The following THUMPD3 variants were observed in gnomAD, a reference collection of about 807,000 sequenced individuals.
THUMPD3 encodes THUMP domain 3 tRNA guanosine methyltransferase.
In THUMPD3, 44 loss-of-function variants were observed where a neutral mutation model predicts 54.5. That is an observed-to-expected ratio of 0.81 (90% confidence interval 0.63 to 1.04). The LOEUF (loss-of-function observed/expected upper bound fraction) is 1.04. Among genes scored for constraint, THUMPD3 ranks in the 50% least tolerant of loss-of-function variants. The probability of loss-of-function intolerance (pLI) is 0.00; values close to 1 mark genes in which losing one functional copy is unlikely to be tolerated. For synonymous variants in THUMPD3, 196 were observed against 201.4 expected (o/e 0.97, Z 0.23); for missense variants, 604 against 601.3 (o/e 1.00, Z -0.05).
intron 1 of THUMPD3, 111 bp from the exon 2 acceptor site, chr3:9,364,905 T>C (rs1379575518): frequency 2.4e-5 from 20 of 823,412 alleles, no homozygotes; most frequent in South Asian, 4.0e-5. Context: ...CTTTGGTGAC[T>C]GTTTATCAGA....
At chr3:9,377,747 C>A in intron 5 of THUMPD3, 72 bp from the exon 6 acceptor site, 1 of 1,199,430 alleles carries the variant, frequency 8.3e-7, no homozygotes. Flanking sequence ...AATCTTAAAG[C>A]TTCAGGAATC....
Position 9,371,349 on chromosome 3 carries a change from C to G in THUMPD3, c.620C>G (p.Ser207Cys). The change falls in exon 4 of 10, where the codon TCT (serine) becomes TGT (cysteine). Residue 207 changes from serine (S) to cysteine (C), a missense_variant. Transcript: ENST00000452837. The stretch of plus-strand genomic sequence containing the variant: ...ACATTAATAGGTGATGATTTGGCAT[C>G]TTGCAAAGATGAGACTGATGAAAGC... ...VSTLIGDDLA[S>C]CKDETDESSK... The G allele has an allele frequency of 6.2e-7, 1 of 1,614,158 alleles. No individual in the cohort carries two copies. The highest frequency in any genetic ancestry group is 8.5e-7 in the Non-Finnish European group (1 of 1,180,034).
intron 7 of THUMPD3, among the ~76,000 whole-genome samples, chr3:9,382,716 A>G (rs2033018888): frequency 6.6e-6 from 1 of 152,092 alleles, no homozygotes; most frequent in Non-Finnish European, 1.5e-5. Flanking sequence ...CATTACAATC[A>G]TGTTTTCAGT....
intron 2 of THUMPD3, among the ~76,000 whole-genome samples, chr3:9,365,880 G>A (rs1353748176): frequency 1.1e-4 from 16 of 152,152 alleles, no homozygotes; most frequent in Admixed American, 9.8e-4. Flanking sequence ...CTGAGCCACT[G>A]CGCTCGGCCT....
At position 9,384,730 on chromosome 3, in the gene THUMPD3, T is replaced by C; in HGVS notation, c.*42T>C. ...TTGTACTTCCCACCACTGGAAATGT[T>C]AGCATAAAAGAACTTGGAGAGGAAA... On this transcript the variant is annotated 3_prime_UTR_variant, in exon 10 of 10. Transcript: ENST00000452837. 1 of 1,608,680 alleles carries C rather than the reference T, an allele frequency of 6.2e-7. No individual in the cohort carries two copies. The highest frequency in any genetic ancestry group is 8.5e-7 in the Non-Finnish European group (1 of 1,176,232).
intron 4 of THUMPD3, among the ~76,000 whole-genome samples, chr3:9,373,204 C>A (rs1273349733): frequency 6.6e-6 from 1 of 152,016 alleles, no homozygotes; most frequent in East Asian, 1.9e-4. Flanking sequence ...GTTTAAATCC[C>A]AGAGGAGGCT....
At chr3:9,378,579 C>T (rs941421931) in intron 6 of THUMPD3, among the ~76,000 whole-genome samples, 2 of 152,194 alleles carry the variant, frequency 1.3e-5, no homozygotes, top group African/African-American at 4.8e-5. Flanking sequence ...AGTATACTGA[C>T]AGCCAATTTG....
intron 5 of THUMPD3, among the ~76,000 whole-genome samples, chr3:9,377,422 G>C (rs1346650781): frequency 6.6e-6 from 1 of 151,996 alleles, no homozygotes; most frequent in Non-Finnish European, 1.5e-5. Context: ...CTGTCACCCA[G>C]GCTGCATCTT....
rs1206594953 is a variant in THUMPD3, at chr3:9,377,831, T to C, written c.951T>C (p.Pro317=). Residue 317 remains proline (P), a synonymous_variant, in exon 6 of 10, where the codon CCT becomes CCC. Transcript: ENST00000452837. ...LAYGMLRLCD[P]LPYDIIVDPM... ...TTCTTTTCTCTAGGCTCTGTGATCCTCTACCTTATGATATAATAGTCGATC... is the reference window on the plus strand; with the variant it reads ...TTCTTTTCTCTAGGCTCTGTGATCCCCTACCTTATGATATAATAGTCGATC... 1.2e-6 allele frequency: 2 copies of C among 1,613,696 alleles called. No homozygotes were observed. Among genetic ancestry groups the C allele is most frequent in the East Asian group, 2.2e-5 (1 of 44,862 alleles).
chr3:9,366,770 T>C, intron 2 of THUMPD3, 138 bp from the exon 3 acceptor site: 1 of 617,632 alleles, frequency 1.6e-6, no homozygotes, highest in South Asian at 2.5e-5. Flanking sequence ...ACTAGGGAGA[T>C]GGGACATTTT....
Position 9,386,137 on chromosome 3 carries a change from C to G in THUMPD3, c.*1449C>G, listed in dbSNP as rs558543911. On this transcript the variant is annotated 3_prime_UTR_variant, in exon 10 of 10. Transcript: ENST00000452837. ...TAGCAGCACAGCCAGCAATCCTCAT[C>G]TGGTTTCTCTGATCTCCTACCCCAC... 3.9e-5 allele frequency: 6 copies of G among 152,358 alleles called. No homozygotes were observed. In the South Asian group the frequency reaches 1.0e-3, roughly 26 times the overall value. The allele number at this position is 152,358 out of a possible 1,614,324, so 9.4% of individuals were successfully genotyped here.
At chr3:9,377,186 C>T (rs537364579) in intron 5 of THUMPD3, among the ~76,000 whole-genome samples, 1 of 151,982 alleles carries the variant, frequency 6.6e-6, no homozygotes, top group Admixed American at 6.6e-5. Context: ...ACACTGTTGT[C>T]AAAAAGTATG....
chr3:9,378,828 T>C (rs2032664377), intron 6 of THUMPD3, among the ~76,000 whole-genome samples: 2 of 152,324 alleles, frequency 1.3e-5, no homozygotes, highest in African/African-American at 4.8e-5. Context: ...CCAGTCCTTC[T>C]TGTGGCCAAG....
rs1166057948 is a variant in THUMPD3 at position 9,371,213 on chromosome 3, C to T, written c.484C>T (p.Gln162Ter). The change falls in exon 4 of 10, where the codon CAA becomes TAA. Residue 162 changes from glutamine to a stop codon, truncating the protein, a stop_gained. Transcript: ENST00000452837. LOFTEE classifies it high-confidence loss of function. ...NSSKEKINNG[Q>*]EVKIDQRNVK... The stretch of plus-strand genomic sequence containing the variant: ...AAGTAAAGAGAAGATTAATAATGGA[C>T]AAGAAGTCAAAATCGATCAGAGAAA... 1 of 1,611,378 alleles carries T rather than the reference C, an allele frequency of 6.2e-7. No homozygotes were observed. Among genetic ancestry groups the T allele is most frequent in the Non-Finnish European group, 8.5e-7 (1 of 1,179,410 alleles).
chr3:9,386,549 A>C lies in THUMPD3; in HGVS notation c.*1861A>C, dbSNP rs1442717066. On this transcript the variant is annotated 3_prime_UTR_variant, in exon 10 of 10. Coordinates refer to ENST00000452837, the MANE Select transcript of THUMPD3 (RefSeq NM_001114092.2). ...TTACATACTACAATAAAAATTTGAC[A>C]AGACTGATACAAATATGTAGTGGGC... 1 of 152,180 alleles carries C rather than the reference A, an allele frequency of 6.6e-6. No homozygotes were observed. The highest frequency in any genetic ancestry group is 1.9e-4 in the East Asian group (1 of 5,200). The allele number at this position is 152,180 out of a possible 1,614,324, so 9.4% of individuals were successfully genotyped here.
At chr3:9,372,784 A>G (rs762343616) in intron 4 of THUMPD3, among the ~76,000 whole-genome samples, 1 of 152,178 alleles carries the variant, frequency 6.6e-6, no homozygotes, top group Non-Finnish European at 1.5e-5. Context: ...CATAGGAACT[A>G]AAGTATTTAA....
intron 3 of THUMPD3, among the ~76,000 whole-genome samples, chr3:9,369,330 A>AG (rs1005053035): frequency 7.3e-5 from 11 of 151,172 alleles, no homozygotes; most frequent in East Asian, 3.9e-4. Flanking sequence ...AAAAAAAAAA[A>AG]AAAGAAAGAA....
intron 6 of THUMPD3, among the ~76,000 whole-genome samples, chr3:9,380,186 ATAAT>A (rs1187305626): frequency 1.3e-5 from 2 of 152,240 alleles, no homozygotes; most frequent in South Asian, 2.1e-4. Context: ...AGGGGAAGAA[ATAAT>A]TAACCGTGGG....
At position 9,366,624 on chromosome 3, in the gene THUMPD3, C is replaced by T. The variant is rs2031586538; in HGVS notation, c.253-284C>T. Among the ~76,000 whole-genome samples the T allele has an allele frequency of 2.6e-5, 4 of 152,176 alleles. No homozygotes were observed. In the South Asian group the frequency reaches 6.2e-4, roughly 24 times the overall value. Reference sequence around the variant, plus strand: ...AGTCATCGAGGAAATATGATACAGCCCACCTGAGTGGCTTCACCTTTCTCT... The same window carrying T: ...AGTCATCGAGGAAATATGATACAGCTCACCTGAGTGGCTTCACCTTTCTCT... On this transcript the variant is annotated intron_variant, in intron 2 of 9. Transcript: ENST00000452837.
Sources: gnomAD v4.1 joint callset for allele counts (sites outside exome capture counted in the v4.1 genomes callset) on GRCh38, gnomAD v4.1.1 for gene constraint, MANE v1.5 for transcripts, NCBI Gene and HGNC (gene_info 2026-07-23, HGNC 2026-07-21) for gene names.